NR2C1: variants seen among roughly 807,000 people sequenced by gnomAD.
NR2C1 encodes TR2 nuclear hormone receptor.
In NR2C1, 33 loss-of-function variants were observed where a neutral mutation model predicts 74.8. The ratio of observed to expected loss-of-function variants is 0.44; its 90% CI spans 0.33 to 0.59. The LOEUF is 0.59. NR2C1 is among the 20% of genes least tolerant of loss of function. The pLI is 0.02. For synonymous variants in NR2C1, 225 were observed against 240.6 expected, an observed-to-expected ratio of 0.94 and a Z score of 0.60; for missense variants, 568 against 715.6, an observed-to-expected ratio of 0.79 and a Z score of 2.35.
chr12:95,049,017 A>C (rs1271511235), intron 9 of NR2C1, 51 bp downstream of exon 9: 1 of 1,490,682 alleles, frequency 6.7e-7, no homozygotes. Flanking sequence ...TGAAAGGTAG[A>C]TCAAAATCAA....
At chr12:95,035,251 T>C (rs1383867291) in intron 10 of NR2C1, among the ~76,000 whole-genome samples, 2 of 152,194 alleles carry the variant, frequency 1.3e-5, no homozygotes, top group Non-Finnish European at 2.9e-5. Flanking sequence ...GACACCAAAC[T>C]GTTAACAGTG....
At chr12:95,069,724 G>T (rs1876302449) in intron 1 of NR2C1, among the ~76,000 whole-genome samples, 1 of 151,532 alleles carries the variant, frequency 6.6e-6, no homozygotes, top group South Asian at 2.1e-4. Context: ...ATAATTTTGT[G>T]ACTGGATGAC....
chr12:95,035,113 G>A (rs1408850035), intron 10 of NR2C1, among the ~76,000 whole-genome samples: 1 of 152,060 alleles, frequency 6.6e-6, no homozygotes, highest in Non-Finnish European at 1.5e-5. Flanking sequence ...AGGACAAATG[G>A]GGTAAATTTA....
intron 8 of NR2C1, among the ~76,000 whole-genome samples, chr12:95,051,350 G>A (rs1872974875): frequency 6.6e-6 from 1 of 152,054 alleles, no homozygotes; most frequent in African/African-American, 2.4e-5. Flanking sequence ...TTCTGTATAC[G>A]CCCAGACTCC....
At chr12:95,056,128 C>T (rs1873820956) in intron 7 of NR2C1, among the ~76,000 whole-genome samples, 1 of 151,454 alleles carries the variant, frequency 6.6e-6, no homozygotes, top group Non-Finnish European at 1.5e-5. Context: ...TAGCCAGGCA[C>T]AGTGTCACGT....
chr12:95,052,985 T>C (rs11107877), intron 7 of NR2C1, among the ~76,000 whole-genome samples: 38,231 of 151,422 alleles, frequency 0.25, 5,283 homozygotes, highest in South Asian at 0.27. Flanking sequence ...TACTGATCTA[T>C]TTGTCTTTTT....
At chr12:95,072,996 C>A (rs539813104) in intron 1 of NR2C1, 21 of 152,404 alleles carry the variant, frequency 1.4e-4, no homozygotes, top group African/African-American at 4.6e-4. Flanking sequence ...CTGGAAGCCC[C>A]GGCGCTGCGC....
chr12:95,061,404 CTG>C (rs1283348452), intron 3 of NR2C1, among the ~76,000 whole-genome samples: 17 of 152,194 alleles, frequency 1.1e-4, no homozygotes, highest in African/African-American at 4.1e-4. Context: ...TATGGGAACT[CTG>C]TTCTATATGC....
At chr12:95,050,369 C>T (rs760451356) in intron 8 of NR2C1, among the ~76,000 whole-genome samples, 115 of 152,232 alleles carry the variant, frequency 7.6e-4, no homozygotes, top group Middle Eastern at 3.4e-3. Flanking sequence ...AGTACAGTGG[C>T]GTGACCTCGG....
chr12:95,061,429 C>T, intron 3 of NR2C1, among the ~76,000 whole-genome samples: 1 of 152,110 alleles, frequency 6.6e-6, no homozygotes. Flanking sequence ...AGTTTTTCTG[C>T]AAATCTAAAA....
At chr12:95,061,994 G>T (rs1194814510) in intron 3 of NR2C1, among the ~76,000 whole-genome samples, 1 of 152,236 alleles carries the variant, frequency 6.6e-6, no homozygotes, top group East Asian at 1.9e-4. Flanking sequence ...TGACAACAAA[G>T]GAGGCACAAT....
intron 7 of NR2C1, among the ~76,000 whole-genome samples, chr12:95,053,308 T>TATA (rs1873303718): frequency 6.6e-6 from 1 of 152,066 alleles, no homozygotes; most frequent in Non-Finnish European, 1.5e-5. Flanking sequence ...TGAAAATGTG[T>TATA]ATATTACTTG....
intron 12 of NR2C1, among the ~76,000 whole-genome samples, chr12:95,026,339 C>T (rs1455718848): frequency 6.6e-6 from 1 of 151,892 alleles, no homozygotes; most frequent in Non-Finnish European, 1.5e-5. Context: ...CAAATATTAT[C>T]TCTATCAGAA....
At chr12:95,052,650 G>C (rs1873192857) in intron 7 of NR2C1, among the ~76,000 whole-genome samples, 1 of 151,822 alleles carries the variant, frequency 6.6e-6, no homozygotes, top group Non-Finnish European at 1.5e-5. Context: ...ATGGGGTCTT[G>C]CTGTGTTGCC....
At position 95,062,641 on chromosome 12, in the gene NR2C1, C is replaced by T. The variant is rs1238564940; in HGVS notation, c.152G>A (p.Gly51Asp). ...GKQFILTNHD[G>D]STPSKVILAR... Reference sequence around the variant, plus strand: ...CAGAATGACTTTGCTTGGAGTAGAGCCGTCGTGATTTGTCAGAATGAACTG... The same window carrying T: ...CAGAATGACTTTGCTTGGAGTAGAGTCGTCGTGATTTGTCAGAATGAACTG... Residue 51 changes from glycine to aspartate, a missense_variant, in exon 3 of 14, where the codon GGC becomes GAC. By Grantham distance (94) the Gly-to-Asp change is moderately conservative. Coordinates refer to ENST00000333003, the MANE Select transcript of NR2C1 (RefSeq NM_003297.4). 2 of 1,613,922 alleles carry T rather than the reference C, an allele frequency of 1.2e-6. No homozygotes were observed. The highest frequency in any genetic ancestry group is 1.7e-6 in the Non-Finnish European group (2 of 1,179,996).
chr12:95,060,092 T>C (rs777877652), intron 3 of NR2C1, 108 bp from the exon 4 acceptor site: 27 of 871,502 alleles, frequency 3.1e-5, no homozygotes, highest in Non-Finnish European at 3.2e-5. Context: ...TCTTGCTTTG[T>C]TGCTTTCTTT....
chr12:95,035,302 C>T (rs1642329321), intron 10 of NR2C1, among the ~76,000 whole-genome samples: 1 of 151,860 alleles, frequency 6.6e-6, no homozygotes, highest in African/African-American at 2.4e-5. Flanking sequence ...ACTTTATAAT[C>T]CTATACTTCA....
rs866101878 is a variant in NR2C1 at position 95,032,578 on chromosome 12, G to A, written c.1254-1090C>T. Among the ~76,000 whole-genome samples the A allele has an allele frequency of 9.9e-5, 15 of 152,228 alleles. 1 individual carries two copies. Reference sequence around the variant, plus strand: ...AAACCTATTTATCCATTTGAAATTAGGCAAACTTCCCAGGTCTCAGGTTGT... The same window carrying A: ...AAACCTATTTATCCATTTGAAATTAAGCAAACTTCCCAGGTCTCAGGTTGT... On this transcript the variant is annotated intron_variant, in intron 10 of 13. Transcript: ENST00000333003.
intron 4 of NR2C1, among the ~76,000 whole-genome samples, 189 bp from the exon 5 acceptor site, chr12:95,058,678 C>T (rs1203055008): frequency 6.6e-6 from 1 of 152,146 alleles, no homozygotes; most frequent in African/African-American, 2.4e-5. Flanking sequence ...CGCTCTGTGG[C>T]CCAGGCTGAA....
Sources: gnomAD v4.1 joint callset for allele counts (sites outside exome capture counted in the v4.1 genomes callset) on GRCh38, gnomAD v4.1.1 for gene constraint, MANE v1.5 for transcripts, NCBI Gene and HGNC (gene_info 2026-07-23, HGNC 2026-07-21) for gene names.